SARDH: variants seen among roughly 807,000 people sequenced by gnomAD.
SARDH encodes the protein sarcosine dehydrogenase.
SARDH carries 95 observed loss-of-function variants against 109.1 expected under a neutral mutation model. The ratio of observed to expected loss-of-function variants is 0.87; its 90% confidence interval spans 0.74 to 1.03. SARDH has a LOEUF of 1.03. SARDH is among the 50% of genes least tolerant of loss of function. The pLI, the probability that SARDH is intolerant of heterozygous loss-of-function variation, is 0.00. For missense variants in SARDH, 1,267 were observed against 1,287.8 expected (o/e 0.98, Z 0.25); for synonymous variants, 572 against 534.8 (o/e 1.07, Z -0.96).
chr9:133,730,169 CT>C lies in SARDH; in HGVS notation c.708del (p.Val237Ter). 1.2e-6 allele frequency: 2 copies of C among 1,614,226 alleles called. No individual in the cohort carries two copies. Among genetic ancestry groups the C allele is most frequent in the Non-Finnish European group, 1.7e-6 (2 of 1,180,044 alleles). ...TCCGTCCACACACGAATGCCGGTCA[CT>C]GGGCAGTTCTCAATGACCTGGAATT... ...ARGAQVIENC[P>X]VTGIRVWTDD... On this transcript the variant is annotated frameshift_variant, in exon 5 of 21. Transcript: ENST00000439388. LOFTEE classifies it high-confidence loss of function.
At position 133,729,788 on chromosome 9, in the gene SARDH, T is replaced by C. The variant is rs1387804984; in HGVS notation, c.892A>G (p.Thr298Ala). 3 of 1,612,868 alleles carry C rather than the reference T, an allele frequency of 1.9e-6. No homozygotes were observed. The Admixed American group carries it at 5.0e-5, about 27-fold the overall frequency. The part of the protein sequence containing the change: ...LVAMHHAYVV[T>A]ERIEGIQNMP... ...ACCTGAATCCCCTCGATGCGCTCGG[T>C]GACGACATAGGCATGGTGCATGGCC... Residue 298 changes from threonine to alanine, a missense_variant, in exon 6 of 21, where the codon ACC (threonine) becomes GCC (alanine). Thr to Ala is a moderately conservative substitution (Grantham distance 58). Transcript: ENST00000439388.
chr9:133,693,760 G>A lies in SARDH; in HGVS notation c.1921+498C>T, dbSNP rs1831184434. 6.6e-6 allele frequency among the ~76,000 whole-genome samples: 1 copy of A among 152,168 alleles called. No individual in the cohort carries two copies. Among genetic ancestry groups the A allele is most frequent in the Admixed American group, 6.5e-5 (1 of 15,278 alleles). Reference sequence around the variant, plus strand: ...AGGTACTGAGCTACCTGTCCCTGAGGGTATGCAAGCAGACATGGTGGGACT... The same window carrying A: ...AGGTACTGAGCTACCTGTCCCTGAGAGTATGCAAGCAGACATGGTGGGACT... On this transcript the variant is annotated intron_variant, in intron 15 of 20. Coordinates refer to ENST00000439388, the MANE Select transcript of SARDH (RefSeq NM_001134707.2). The surrounding 1 kb of genome is among the most constrained non-coding windows in gnomAD (Gnocchi z 5.6).
rs1179563909 is a variant in SARDH at position 133,709,935 on chromosome 9, G to C, written c.1329-1507C>G. Among the ~76,000 whole-genome samples the C allele has an allele frequency of 6.6e-6, 1 of 152,224 alleles. No individual in the cohort carries two copies. Among genetic ancestry groups the C allele is most frequent in the Non-Finnish European group, 1.5e-5 (1 of 68,042 alleles). ...AGGAGGGGGTGATGGAGCCAGTGAA[G>C]GTCTGGGAGGATTCTTGGGGGCAGC... On this transcript the variant is annotated intron_variant, in intron 10 of 20. Transcript: ENST00000439388. This position sits in a 1 kb window ranked among gnomAD's most constrained non-coding sequence, Gnocchi z 4.2.
At chr9:133,732,300 C>T (rs934950283) in intron 3 of SARDH, 123 bp downstream of exon 3, 8 of 728,272 alleles carry the variant, frequency 1.1e-5, no homozygotes, top group Non-Finnish European at 1.2e-5. Context: ...CCCAGCGTAC[C>T]TCCACCCTCA....
At chr9:133,698,783 T>A (rs1389873343) in intron 13 of SARDH, among the ~76,000 whole-genome samples, 1 of 152,206 alleles carries the variant, frequency 6.6e-6, no homozygotes, top group African/African-American at 2.4e-5. Flanking sequence ...TTTTCATGGA[T>A]CCTAGACCTA....
chr9:133,681,256 C>T (rs1048398006), intron 17 of SARDH, among the ~76,000 whole-genome samples: 12 of 152,158 alleles, frequency 7.9e-5, no homozygotes, highest in South Asian at 2.1e-4. Context: ...TGTGGGCTCC[C>T]GGCTCGTCCA....
At chr9:133,670,324 G>A (rs528826515) in intron 19 of SARDH, among the ~76,000 whole-genome samples, 15 of 106,330 alleles carry the variant, frequency 1.4e-4, no homozygotes, top group East Asian at 3.3e-4. Flanking sequence ...GTGAGACTCC[G>A]TCTCAAAAAA....
chr9:133,663,697 C>G lies in SARDH; in HGVS notation c.*192G>C, dbSNP rs1829958012. ...TTGGGGTGGATTAGAGACTGCCTTC[C>G]AGTCAGTGACCACAGGATGGGCCAT... On this transcript the variant is annotated 3_prime_UTR_variant, in exon 21 of 21. Coordinates refer to ENST00000439388, the MANE Select transcript of SARDH (RefSeq NM_001134707.2). 1 of 729,446 alleles carries G rather than the reference C, an allele frequency of 1.4e-6. No homozygotes were observed. The highest frequency in any genetic ancestry group is 2.3e-6 in the Non-Finnish European group (1 of 435,922). The allele number at this position is 729,446 out of a possible 1,614,324, so 45.2% of individuals were successfully genotyped here.
At chr9:133,674,894 C>T (rs759013033) in intron 17 of SARDH, among the ~76,000 whole-genome samples, 11 of 152,220 alleles carry the variant, frequency 7.2e-5, no homozygotes, top group Non-Finnish European at 1.2e-4. Flanking sequence ...ATCACAAGCA[C>T]ATTTGTGCAT....
At chr9:133,683,116 C>T (rs1830757798) in intron 17 of SARDH, among the ~76,000 whole-genome samples, 1 of 152,186 alleles carries the variant, frequency 6.6e-6, no homozygotes. Flanking sequence ...TCAGCAAGCA[C>T]CTGGCCTGGC....
chr9:133,726,836 T>A (rs754790718), intron 6 of SARDH, among the ~76,000 whole-genome samples: 15 of 152,302 alleles, frequency 9.8e-5, no homozygotes, highest in Non-Finnish European at 1.5e-4. Context: ...TCTGTCCTTG[T>A]CCTTGTCATC....
chr9:133,694,400 G>GTGC, intron 14 of SARDH, 29 bp from the exon 15 acceptor site: 1 of 1,524,866 alleles, frequency 6.6e-7, no homozygotes, highest in Non-Finnish European at 8.9e-7. Context: ...AGCCGGGTCT[G>GTGC]TGCTGAGGCC....
At chr9:133,703,351 G>A in intron 12 of SARDH, 1 of 375,234 alleles carries the variant, frequency 2.7e-6, no homozygotes, top group Non-Finnish European at 5.0e-6. Flanking sequence ...AGCCAGGGCT[G>A]CTCCCTGGAG....
At chr9:133,687,857 G>C (rs1830939930) in intron 16 of SARDH, among the ~76,000 whole-genome samples, 1 of 152,186 alleles carries the variant, frequency 6.6e-6, no homozygotes, top group African/African-American at 2.4e-5. Flanking sequence ...AAGAAACTTT[G>C]GGTTATTTTT....
At chr9:133,735,960 A>T (rs1390839778) in intron 1 of SARDH, among the ~76,000 whole-genome samples, 2 of 152,104 alleles carry the variant, frequency 1.3e-5, no homozygotes, top group African/African-American at 4.8e-5. Context: ...GACTTGCTTA[A>T]ACCCGGGAGG....
intron 20 of SARDH, among the ~76,000 whole-genome samples, chr9:133,665,032 G>C (rs1219843471): frequency 2.0e-5 from 3 of 152,170 alleles, no homozygotes; most frequent in African/African-American, 7.2e-5. Context: ...ACCCCACTTG[G>C]GTGCTAGAAA....
At chr9:133,690,726 G>C (rs745964564) in intron 15 of SARDH, among the ~76,000 whole-genome samples, 199 bp from the exon 16 acceptor site, 1 of 152,076 alleles carries the variant, frequency 6.6e-6, no homozygotes, top group African/African-American at 2.4e-5. Context: ...TGAGCCATGG[G>C]GGTTAGGAGA....
In SARDH at chr9:133,694,277, C is replaced by A. The variant is rs377363025; in HGVS notation, c.1902G>T (p.Pro634=). The part of the protein sequence containing the change: ...SRLAPSHQAS[P]LAPAFEGDGY... ...CCATACCTTCAAAGGCGGGGGCCAG[C>A]GGGGAGGCCTGGTGGCTGGGTGCCA... Residue 634 remains proline (P), a synonymous_variant, in exon 15 of 21, where the codon CCG becomes CCT. Transcript: ENST00000439388. 10 of 1,549,490 alleles carry A rather than the reference C, an allele frequency of 6.5e-6. No homozygotes were observed. Among genetic ancestry groups the A allele is most frequent in the Non-Finnish European group, 7.9e-6 (9 of 1,146,206 alleles).
intron 8 of SARDH, among the ~76,000 whole-genome samples, chr9:133,715,673 G>A (rs1435825470): frequency 1.3e-5 from 2 of 152,198 alleles, no homozygotes; most frequent in Non-Finnish European, 2.9e-5. Flanking sequence ...GCCCTCATCC[G>A]CTCCCTGCAT....
Sources: gnomAD v4.1 joint callset for allele counts (sites outside exome capture counted in the v4.1 genomes callset) on GRCh38, gnomAD v4.1.1 for gene constraint, Gnocchi (gnomAD v3.1) non-coding constraint, MANE v1.5 for transcripts, NCBI Gene and HGNC (gene_info 2026-07-23, HGNC 2026-07-21) for gene names.